The following GALNT13 variants were observed in gnomAD, a reference collection of about 807,000 sequenced individuals.
The protein encoded by GALNT13 is polypeptide N-acetylgalactosaminyltransferase 13.
GALNT13 carries 28 observed loss-of-function variants against 64.2 expected under a neutral mutation model. That is an observed-to-expected ratio of 0.44 (90% CI 0.32 to 0.60). The LOEUF is 0.60. Among genes scored for constraint, GALNT13 ranks in the 20% least tolerant of loss-of-function variants. The pLI is 0.05. For missense variants in GALNT13, 577 were observed against 669.8 expected (o/e 0.86, Z 1.53); for synonymous variants, 214 against 224.6 (o/e 0.95, Z 0.42).
the GALNT13 span, among the ~76,000 whole-genome samples, chr2:153,084,311 T>C: frequency 1.3e-4 from 20 of 152,326 alleles, no homozygotes; most frequent in Admixed American, 5.9e-4. Flanking sequence ...GCATTGAAGC[T>C]GTAGATTGCT....
chr2:153,529,334 C>G, the GALNT13 span, among the ~76,000 whole-genome samples: 1 of 152,076 alleles, frequency 6.6e-6, no homozygotes, highest in Non-Finnish European at 1.5e-5. Context: ...AATTCCTACA[C>G]AGATATGACC....
chr2:153,509,422 G>A, the GALNT13 span, among the ~76,000 whole-genome samples: 1 of 152,232 alleles, frequency 6.6e-6, no homozygotes, highest in Admixed American at 6.5e-5. Context: ...TGCTTCAGAC[G>A]GGCCACCGCT....
the GALNT13 span, among the ~76,000 whole-genome samples, chr2:153,363,879 C>T: frequency 1.3e-5 from 2 of 152,198 alleles, no homozygotes; most frequent in Non-Finnish European, 2.9e-5. Flanking sequence ...TCCTCCCTAA[C>T]TCATTTGATG....
At chr2:153,295,527 T>TAA in the GALNT13 span, among the ~76,000 whole-genome samples, 1 of 139,750 alleles carries the variant, frequency 7.2e-6, no homozygotes, top group Non-Finnish European at 1.5e-5. Context: ...CTGGAGTACC[T>TAA]AAAAAAAAAA....
At chr2:153,780,214 GATATATATATATATATATATATAT>G in the GALNT13 span, among the ~76,000 whole-genome samples, 34,583 of 127,978 alleles carry the variant, frequency 0.27, 5,263 homozygotes, top group Non-Finnish European at 0.29. Context: ...AGAATTTGAA[GATATATATATATATATATATATAT>G]ATATATATAT....
chr2:153,092,773 T>C, the GALNT13 span, among the ~76,000 whole-genome samples: 1 of 152,220 alleles, frequency 6.6e-6, no homozygotes, highest in Non-Finnish European at 1.5e-5. Flanking sequence ...TCATATCATC[T>C]GCAAAACAAA....
intron 3 of GALNT13, among the ~76,000 whole-genome samples, chr2:154,049,423 A>T (rs1422826941): frequency 4.1e-5 from 6 of 147,274 alleles, no homozygotes; most frequent in Non-Finnish European, 7.5e-5. Context: ...TATGGATATA[A>T]TGGTATATAT....
chr2:153,495,120 A>G, the GALNT13 span, among the ~76,000 whole-genome samples: 3 of 152,054 alleles, frequency 2.0e-5, no homozygotes, highest in Non-Finnish European at 2.9e-5. Flanking sequence ...TTTTATTACA[A>G]TGACTAAAAC....
chr2:154,351,406 G>C (rs761411862), intron 9 of GALNT13, among the ~76,000 whole-genome samples: 6 of 151,834 alleles, frequency 4.0e-5, no homozygotes, highest in African/African-American at 1.5e-4. Context: ...AGCTCTGGCC[G>C]GGCAAGGTGG....
chr2:154,051,279 CTTTT>C (rs34890901), intron 3 of GALNT13, among the ~76,000 whole-genome samples: 1 of 102,296 alleles, frequency 9.8e-6, no homozygotes. Context: ...CTTACTCCTT[CTTTT>C]TTTTTTTTTT....
intron 1 of GALNT13, among the ~76,000 whole-genome samples, chr2:153,888,523 G>A (rs923833055): frequency 6.6e-6 from 1 of 151,908 alleles, no homozygotes; most frequent in Non-Finnish European, 1.5e-5. Context: ...TTCTAGTGCT[G>A]CCTAAAATAA....
the GALNT13 span, among the ~76,000 whole-genome samples, chr2:153,233,098 AGT>A: frequency 6.6e-6 from 1 of 152,220 alleles, no homozygotes; most frequent in Non-Finnish European, 1.5e-5. Context: ...TGGCTTTTAG[AGT>A]GTGAAATATT....
intron 4 of GALNT13, among the ~76,000 whole-genome samples, chr2:154,148,577 T>C (rs1330143885): frequency 6.6e-6 from 1 of 151,858 alleles, no homozygotes; most frequent in African/African-American, 2.4e-5. Context: ...CCACATCCTC[T>C]CCAGCACCTG....
At chr2:153,634,886 T>C in the GALNT13 span, among the ~76,000 whole-genome samples, 5 of 152,150 alleles carry the variant, frequency 3.3e-5, no homozygotes, top group South Asian at 1.0e-3. Flanking sequence ...CACTAAGCAC[T>C]GCTATAGATT....
rs577757379 is a variant in GALNT13, at chr2:153,969,323, GA to G, written c.142+24689del. On this transcript the variant is annotated intron_variant, in intron 3 of 12. Transcript: ENST00000392825. The stretch of plus-strand genomic sequence containing the variant: ...AAAACAAATCTAATTCCTTCAATTA[GA>G]AAAACTTAAAAATTTTTTTAAATTA... Among the ~76,000 whole-genome samples, 10 of 151,850 alleles carry G rather than the reference GA, an allele frequency of 6.6e-5. No individual in the cohort carries two copies. The South Asian group carries it at 2.1e-3, about 32-fold the overall frequency.
the GALNT13 span, among the ~76,000 whole-genome samples, chr2:153,470,281 C>G: frequency 6.6e-6 from 1 of 152,094 alleles, no homozygotes; most frequent in South Asian, 2.1e-4. Flanking sequence ...TGTATCCTCA[C>G]AGGAGCTACA....
chr2:153,552,924 A>G, the GALNT13 span, among the ~76,000 whole-genome samples: 3 of 152,234 alleles, frequency 2.0e-5, no homozygotes, highest in Middle Eastern at 0.01. Context: ...CTGATCTGAC[A>G]GGAGGTGGAA....
chr2:154,001,382 ATTATCT>A (rs1695894251), intron 3 of GALNT13, among the ~76,000 whole-genome samples: 1 of 151,784 alleles, frequency 6.6e-6, no homozygotes, highest in African/African-American at 2.4e-5. Flanking sequence ...TGGTTAAATG[ATTATCT>A]TTATTAGCAC....
the GALNT13 span, among the ~76,000 whole-genome samples, chr2:153,138,481 G>C: frequency 6.6e-6 from 1 of 151,988 alleles, no homozygotes; most frequent in African/African-American, 2.4e-5. Flanking sequence ...TTGTCTTTCA[G>C]ATCCCTGGTT....
Sources: gnomAD v4.1 joint callset for allele counts (sites outside exome capture counted in the v4.1 genomes callset) on GRCh38, gnomAD v4.1.1 for gene constraint, MANE v1.5 for transcripts, NCBI Gene and HGNC (gene_info 2026-07-23, HGNC 2026-07-21) for gene names.